ACO2: variants seen among roughly 807,000 people sequenced by gnomAD.
ACO2 encodes aconitase 2.
A neutral mutation model predicts 84.5 loss-of-function variants in ACO2; 31 were observed. The ratio of observed to expected loss-of-function variants is 0.37; its 90% CI spans 0.28 to 0.50. The LOEUF (loss-of-function observed/expected upper bound fraction) is 0.50. ACO2 is among the 20% of genes least tolerant of loss of function. The pLI is 0.97. For synonymous variants in ACO2, 414 were observed against 412.7 expected, an observed-to-expected ratio of 1.00 and a Z score of -0.04; for missense variants, 685 against 1,029.3, an observed-to-expected ratio of 0.67 and a Z score of 4.58.
intron 1 of ACO2, 146 bp downstream of exon 1, chr22:41,469,328 C>T (rs955967003): frequency 8.2e-6 from 8 of 979,404 alleles, no homozygotes; most frequent in Non-Finnish European, 1.2e-5. Context: ...GCACCCGTGC[C>T]CGCTTCTCTG....
intron 1 of ACO2, among the ~76,000 whole-genome samples, chr22:41,474,878 C>T (rs1051549132): frequency 1.3e-5 from 2 of 152,052 alleles, no homozygotes; most frequent in Admixed American, 6.6e-5. Flanking sequence ...GGATTACAGG[C>T]GTGAGCCACT....
chr22:41,520,466 G>T (rs545979190), intron 9 of ACO2, among the ~76,000 whole-genome samples, 190 bp downstream of exon 9: 1 of 152,244 alleles, frequency 6.6e-6, no homozygotes, highest in East Asian at 1.9e-4. Context: ...AGCATTTCAG[G>T]AGGCCAATGC....
chr22:41,518,385 G>T (rs2066492536), intron 7 of ACO2, 96 bp from the exon 8 acceptor site: 2 of 899,920 alleles, frequency 2.2e-6, no homozygotes, highest in Non-Finnish European at 3.6e-6. Flanking sequence ...CCCAGGGTGG[G>T]CCTGGTGTTT....
chr22:41,495,477 C>T (rs1222155559), intron 1 of ACO2, among the ~76,000 whole-genome samples: 2 of 152,126 alleles, frequency 1.3e-5, no homozygotes, highest in South Asian at 4.1e-4. Flanking sequence ...AGCCCATCTA[C>T]GTATTGATAA....
chr22:41,498,657 A>G (rs541541875), intron 1 of ACO2, among the ~76,000 whole-genome samples: 15 of 152,372 alleles, frequency 9.8e-5, no homozygotes, highest in African/African-American at 3.6e-4. Flanking sequence ...TTGCTTAACA[A>G]TATGGGGACT....
rs2066621326 is a variant in ACO2 at position 41,527,294 on chromosome 22, G to A, written c.1960G>A (p.Gly654Ser). ...PDTARYYKKH[G>S]IRWVVIGDEN... ...ACCCCCGCTTGCCTGACAGAAACAT[G>A]GCATCAGGTGGGTGGTGATCGGAGA... The change falls in exon 16 of 18, where the codon GGC (glycine) becomes AGC (serine). Residue 654 changes from glycine to serine, a missense_variant. Physicochemically the swap from Gly to Ser is moderately conservative, Grantham distance 56. Transcript: ENST00000216254. The A allele has an allele frequency of 6.2e-7, 1 of 1,614,086 alleles. No individual in the cohort carries two copies. Among genetic ancestry groups the A allele is most frequent in the Admixed American group, 1.7e-5 (1 of 60,002 alleles).
chr22:41,478,976 G>A (rs964319017), intron 1 of ACO2, among the ~76,000 whole-genome samples: 1 of 151,992 alleles, frequency 6.6e-6, no homozygotes, highest in Admixed American at 6.6e-5. Context: ...CCTTGTAGCC[G>A]GGCTCCTTGA....
chr22:41,503,588 C>G (rs1271490669), intron 2 of ACO2, among the ~76,000 whole-genome samples: 1 of 152,158 alleles, frequency 6.6e-6, no homozygotes, highest in Non-Finnish European at 1.5e-5. Flanking sequence ...CTCAGTCTCC[C>G]AAAGTGCTGA....
Position 41,515,874 on chromosome 22 carries a change from C to G in ACO2, c.792C>G (p.Ile264Met). 1.9e-6 allele frequency: 3 copies of G among 1,614,218 alleles called. No homozygotes were observed. Among genetic ancestry groups the G allele is most frequent in the Non-Finnish European group, 2.5e-6 (3 of 1,180,028 alleles). Residue 264 changes from isoleucine (I) to methionine (M), a missense_variant, in exon 6 of 18, where the codon ATC (isoleucine) becomes ATG (methionine). Around this residue, in one of 5 missense-constraint regions of ACO2, gnomAD observed 311 missense variants for 441.6 expected, o/e 0.70. Coordinates refer to ENST00000216254, the MANE Select transcript of ACO2 (RefSeq NM_001098.3). The surrounding 1 kb of genome is among the most constrained non-coding windows in gnomAD (Gnocchi z 5.8). Reference sequence around the variant, plus strand: ...CGGTGAAAGGTGGCACAGGTGCAATCGTGGAATACCACGGGCCTGGTGTAG... The same window carrying G: ...CGGTGAAAGGTGGCACAGGTGCAATGGTGGAATACCACGGGCCTGGTGTAG... ...ILTVKGGTGA[I>M]VEYHGPGVDS...
chr22:41,507,763 G>A (rs915599554), intron 2 of ACO2, 28 bp from the exon 3 acceptor site: 2 of 1,600,464 alleles, frequency 1.2e-6, no homozygotes, highest in Non-Finnish European at 1.7e-6. Context: ...GCTAGCACCA[G>A]GCCACCCTTC....
rs764094341 is a variant in ACO2, at chr22:41,528,017, G to A, written c.2203G>A (p.Gly735Ser). The A allele has an allele frequency of 3.7e-6, 6 of 1,614,044 alleles. No homozygotes were observed. The highest frequency in any genetic ancestry group is 4.2e-6 in the Non-Finnish European group (5 of 1,180,032). Residue 735 changes from glycine to serine, a missense_variant, in exon 17 of 18, where the codon GGC becomes AGC. This residue lies in a region of ACO2 where 174 missense variants were observed against 236.6 expected (regional missense o/e 0.74). Coordinates refer to ENST00000216254, the MANE Select transcript of ACO2 (RefSeq NM_001098.3). Reference protein sequence around the residue: ...TIQGLKDFTPGKPLKCIIKHP... With the variant: ...TIQGLKDFTPSKPLKCIIKHP... ...TCAGGGCCTGAAGGACTTCACCCCT[G>A]GCAAGGTTAGGGGCCCGGGTCCCCC...
intron 15 of ACO2, chr22:41,526,735 A>G: frequency 2.6e-6 from 1 of 390,854 alleles, no homozygotes; most frequent in Non-Finnish European, 4.7e-6. Flanking sequence ...GGGCCGACTC[A>G]GGAAGTCAGA....
intron 1 of ACO2, among the ~76,000 whole-genome samples, chr22:41,478,476 T>C (rs2146081743): frequency 6.6e-6 from 1 of 152,212 alleles, no homozygotes; most frequent in East Asian, 1.9e-4. Context: ...TTTAAAAGAG[T>C]TGGGGGAAGA....
intron 1 of ACO2, among the ~76,000 whole-genome samples, chr22:41,475,543 G>T (rs1271815682): frequency 6.6e-6 from 1 of 152,018 alleles, no homozygotes; most frequent in Admixed American, 6.6e-5. Context: ...GGTGGGCTCT[G>T]GGCCTCTCAG....
In ACO2 at chr22:41,515,343, G is replaced by T; in HGVS notation, c.526-34G>T. On this transcript the variant is annotated intron_variant, in intron 4 of 17. Coordinates refer to ENST00000216254, the MANE Select transcript of ACO2 (RefSeq NM_001098.3). This position sits in a 1 kb window ranked among gnomAD's most constrained non-coding sequence, Gnocchi z 5.8. ...CATTTTTTGGTATTCTCGGCTGAGG[G>T]CTTCTAAATATAACATCTTGGATTA... is the stretch of plus-strand genomic sequence containing the variant. 1 of 1,611,628 alleles carries T rather than the reference G, an allele frequency of 6.2e-7. No homozygotes were observed. Among genetic ancestry groups the T allele is most frequent in the East Asian group, 2.2e-5 (1 of 44,890 alleles).
chr22:41,519,740 G>A (rs1372730827), intron 8 of ACO2, among the ~76,000 whole-genome samples: 2 of 151,684 alleles, frequency 1.3e-5, no homozygotes, highest in African/African-American at 4.9e-5. Context: ...CCCGAGAGGC[G>A]GAGGCTGCCG....
At chr22:41,477,506 C>G (rs574841329) in intron 1 of ACO2, among the ~76,000 whole-genome samples, 68 of 152,232 alleles carry the variant, frequency 4.5e-4, no homozygotes, top group Non-Finnish European at 7.8e-4. Context: ...GGGGCACCAG[C>G]TTTGGAGCCA....
chr22:41,513,301 C>G (rs924509801), intron 4 of ACO2, among the ~76,000 whole-genome samples: 3 of 151,932 alleles, frequency 2.0e-5, no homozygotes, highest in African/African-American at 7.2e-5. Flanking sequence ...TCACATCTGC[C>G]ACCGGCTAGC....
intron 1 of ACO2, among the ~76,000 whole-genome samples, chr22:41,471,802 T>C (rs998073446): frequency 6.6e-6 from 1 of 152,184 alleles, no homozygotes; most frequent in Admixed American, 6.6e-5. Flanking sequence ...TAGCCTGATT[T>C]ATAGATGAAG....
Sources: allele counts gnomAD v4.1 joint callset (sites outside exome capture counted in the v4.1 genomes callset), GRCh38; gene constraint gnomAD v4.1.1; regional missense constraint gnomAD v4.1.1; non-coding constraint Gnocchi (gnomAD v3.1); transcripts MANE v1.5; gene names NCBI Gene and HGNC (gene_info 2026-07-23, HGNC 2026-07-21).